Variants in ADCY5 observed in about 807,000 individuals in gnomAD.
ADCY5 encodes adenylate cyclase 5.
A neutral mutation model predicts 119.7 loss-of-function variants in ADCY5; 30 were observed. The observed-to-expected ratio is 0.25, with a 90% CI of 0.19 to 0.34. The LOEUF (loss-of-function observed/expected upper bound fraction) is 0.34, where lower values mean the gene tolerates loss of function less well. Among genes scored for constraint, ADCY5 ranks in the 10% least tolerant of loss-of-function variants. The pLI, the probability that ADCY5 is intolerant of heterozygous loss-of-function variation, is 1.00. For missense variants in ADCY5, 1,324 were observed against 1,775.2 expected (o/e 0.75, Z 4.57); for synonymous variants, 753 against 762.2 (o/e 0.99, Z 0.20).
At chr3:123,382,064 T>C (rs1944051525) in intron 1 of ADCY5, among the ~76,000 whole-genome samples, 1 of 152,218 alleles carries the variant, frequency 6.6e-6, no homozygotes, top group African/African-American at 2.4e-5. Flanking sequence ...GCTCCAGCCA[T>C]ACTGGCCTTC....
intron 1 of ADCY5, among the ~76,000 whole-genome samples, chr3:123,422,085 T>G (rs1035926630): frequency 2.6e-5 from 4 of 152,220 alleles, no homozygotes; most frequent in Non-Finnish European, 5.9e-5. Context: ...CAGTCTTTAC[T>G]AGGAAGCAAA....
At chr3:123,366,744 A>G (rs946920062) in intron 1 of ADCY5, among the ~76,000 whole-genome samples, 1 of 152,164 alleles carries the variant, frequency 6.6e-6, no homozygotes, top group Non-Finnish European at 1.5e-5. Flanking sequence ...AGGCCTGGGA[A>G]CTTAGGTGTG....
chr3:123,428,755 G>A (rs1215510832), intron 1 of ADCY5, among the ~76,000 whole-genome samples: 1 of 152,146 alleles, frequency 6.6e-6, no homozygotes, highest in Non-Finnish European at 1.5e-5. Flanking sequence ...TAATTTGCGG[G>A]GGGTGCCTAT....
rs970283666 is a variant in ADCY5 at position 123,421,823 on chromosome 3, G to C, written c.1134+25589C>G. ...TGTCCTGTTGGCTTTTTATTCAATG[G>C]GGGAGGACTGTGGGAGAGAGAGTTG... On this transcript the variant is annotated intron_variant, in intron 1 of 20. Transcript: ENST00000462833. Among the ~76,000 whole-genome samples the C allele has an allele frequency of 3.3e-5, 5 of 152,252 alleles. No homozygotes were observed. In the South Asian group the frequency reaches 1.0e-3, roughly 32 times the overall value.
chr3:123,289,223 A>G, intron 19 of ADCY5, among the ~76,000 whole-genome samples: 1 of 152,258 alleles, frequency 6.6e-6, no homozygotes, highest in East Asian at 1.9e-4. Context: ...AATGACTGGT[A>G]ACATGTTTAT....
intron 1 of ADCY5, among the ~76,000 whole-genome samples, chr3:123,424,528 A>G (rs1945362644): frequency 6.6e-6 from 1 of 152,182 alleles, no homozygotes; most frequent in Non-Finnish European, 1.5e-5. Context: ...CCTCTCACAC[A>G]TGAGCCGTTC....
At chr3:123,357,234 C>T (rs986773739) in intron 1 of ADCY5, among the ~76,000 whole-genome samples, 13 of 151,114 alleles carry the variant, frequency 8.6e-5, no homozygotes, top group African/African-American at 3.2e-4. Flanking sequence ...GTAAATTATA[C>T]CTTAATTTAA....
chr3:123,308,778 G>C (rs962924696), intron 12 of ADCY5, among the ~76,000 whole-genome samples: 2 of 152,142 alleles, frequency 1.3e-5, no homozygotes, highest in Admixed American at 6.5e-5. Flanking sequence ...GCAGTGAGCC[G>C]AGATCGTGCC....
At chr3:123,319,934 C>T (rs1941131892) in intron 9 of ADCY5, 116 bp from the exon 10 acceptor site, 3 of 1,394,428 alleles carry the variant, frequency 2.2e-6, no homozygotes, top group Admixed American at 4.2e-5. Flanking sequence ...TGTCCACCAT[C>T]AGCCCAATCA....
intron 1 of ADCY5, among the ~76,000 whole-genome samples, chr3:123,408,742 C>T (rs755024383): frequency 1.3e-5 from 2 of 151,606 alleles, no homozygotes; most frequent in Non-Finnish European, 2.9e-5. Context: ...TTTGGGAGGC[C>T]GAGTGGGTGG....
At chr3:123,322,519 C>G (rs1941272612) in intron 8 of ADCY5, among the ~76,000 whole-genome samples, 2 of 152,098 alleles carry the variant, frequency 1.3e-5, no homozygotes, top group Non-Finnish European at 1.5e-5. Context: ...TACTGGTACA[C>G]AAACCATGGC....
intron 3 of ADCY5, among the ~76,000 whole-genome samples, chr3:123,334,736 A>C (rs1941943896): frequency 6.6e-6 from 1 of 152,206 alleles, no homozygotes. Context: ...AGACTGTCTC[A>C]AATAATAATG....
rs181168075 is a variant in ADCY5, at chr3:123,413,302, G to A, written c.1134+34110C>T. On this transcript the variant is annotated intron_variant, in intron 1 of 20. Coordinates refer to ENST00000462833, the MANE Select transcript of ADCY5 (RefSeq NM_183357.3). Reference sequence around the variant, plus strand: ...AAACCCTAAACTGAAGCAGGCAGGAGCACTTCCCGTCCCTGACCAGAGAGA... The same window carrying A: ...AAACCCTAAACTGAAGCAGGCAGGAACACTTCCCGTCCCTGACCAGAGAGA... Among the ~76,000 whole-genome samples, 53 of 152,354 alleles carry A rather than the reference G, an allele frequency of 3.5e-4. No homozygotes were observed. The East Asian group carries it at 5.4e-3, about 16-fold the overall frequency.
At chr3:123,314,573 G>T (rs1940795524) in intron 11 of ADCY5, among the ~76,000 whole-genome samples, 1 of 152,208 alleles carries the variant, frequency 6.6e-6, no homozygotes, top group South Asian at 2.1e-4. Context: ...AACCGTAAGG[G>T]TATGGTTCCC....
chr3:123,368,128 G>T, intron 1 of ADCY5: 1 of 1,213,446 alleles, frequency 8.2e-7, no homozygotes, highest in Non-Finnish European at 1.1e-6. Flanking sequence ...CTTGTGACTC[G>T]GAGCCAGTCA....
At position 123,348,018 on chromosome 3, in the gene ADCY5, CG is replaced by C. The variant is rs950940701; in HGVS notation, c.1285-116del. 5.0e-6 allele frequency: 5 copies of C among 997,356 alleles called. No homozygotes were observed. The Admixed American group carries it at 1.0e-4, about 20-fold the overall frequency. The allele number at this position is 997,356 out of a possible 1,614,324, so 61.8% of individuals were successfully genotyped here. A position where few individuals can be genotyped will look rare whatever the true frequency, so the allele number is the denominator to read the frequency against. On this transcript the variant is annotated intron_variant, in intron 2 of 20. Coordinates refer to ENST00000462833, the MANE Select transcript of ADCY5 (RefSeq NM_183357.3). The stretch of plus-strand genomic sequence containing the variant: ...CCCTGGAAAACCTCTCAGGCTCTCC[CG>C]GGACTCCTGGGTTAACAGTGTGTGT...
chr3:123,314,385 G>A (rs1353800307), intron 11 of ADCY5, 63 bp from the exon 12 acceptor site: 9 of 1,334,552 alleles, frequency 6.7e-6, no homozygotes, highest in Non-Finnish European at 8.4e-6. Flanking sequence ...AGCTTCTGGG[G>A]GACCTGCCTG....
At chr3:123,423,421 G>A (rs902822907) in intron 1 of ADCY5, among the ~76,000 whole-genome samples, 1 of 152,224 alleles carries the variant, frequency 6.6e-6, no homozygotes, top group Non-Finnish European at 1.5e-5. Flanking sequence ...CAGCCTTGAG[G>A]CCTCCACATC....
intron 15 of ADCY5, 48 bp from the exon 16 acceptor site, chr3:123,297,430 A>C: frequency 6.2e-7 from 1 of 1,600,088 alleles, no homozygotes; most frequent in Non-Finnish European, 8.6e-7. Flanking sequence ...CTTCTGCATA[A>C]GGCGGCCTCC....
Sources: allele counts gnomAD v4.1 joint callset (sites outside exome capture counted in the v4.1 genomes callset), GRCh38; gene constraint gnomAD v4.1.1; transcripts MANE v1.5; gene names NCBI Gene and HGNC (gene_info 2026-07-23, HGNC 2026-07-21).